PCDHGA6: variants seen among roughly 807,000 people sequenced by gnomAD.
PCDHGA6 encodes protocadherin gamma-A6.
PCDHGA6 carries 41 observed loss-of-function variants against 60.6 expected under a neutral mutation model. The observed-to-expected ratio is 0.68, with a 90% confidence interval of 0.53 to 0.88. The LOEUF (loss-of-function observed/expected upper bound fraction) is 0.88, where lower values mean the gene tolerates loss of function less well. Ranked by LOEUF, PCDHGA6 falls within the 40% of genes least tolerant of loss-of-function variation. PCDHGA6 has a pLI of 0.00. For missense variants in PCDHGA6, 1,312 were observed against 1,203.0 expected (o/e 1.09, Z -1.34); for synonymous variants, 594 against 524.4 (o/e 1.13, Z -1.81).
chr5:141,373,906 A>T lies in PCDHGA6; in HGVS notation c.-178A>T. 1.7e-6 allele frequency: 1 copy of T among 604,222 alleles called. No homozygotes were observed. Among genetic ancestry groups the T allele is most frequent in the South Asian group, 4.3e-5 (1 of 23,298 alleles). The allele number at this position is 604,222 out of a possible 1,614,324, so 37.4% of individuals were successfully genotyped here. On this transcript the variant is annotated 5_prime_UTR_variant, in exon 1 of 4. Transcript: ENST00000517434. ...ACGGAAACTCAAGTTACATCCTCCAACAACAAAGCAAATTAGACGGGAAAG... is the reference window on the plus strand; with the variant it reads ...ACGGAAACTCAAGTTACATCCTCCATCAACAAAGCAAATTAGACGGGAAAG...
chr5:141,489,962 C>A lies in PCDHGA6; in HGVS notation c.2425-4845C>A. The A allele has an allele frequency of 6.2e-7, 1 of 1,614,184 alleles. No individual in the cohort carries two copies. The highest frequency in any genetic ancestry group is 8.5e-7 in the Non-Finnish European group (1 of 1,180,008). ...CTGGACATCAATGATAATGCTCCAA[C>A]CTTCCAATCCTCAGTTCTACGTGTG... is the stretch of plus-strand genomic sequence containing the variant. On this transcript the variant is annotated intron_variant, in intron 1 of 3. Transcript: ENST00000517434. This position sits in a 1 kb window ranked among gnomAD's most constrained non-coding sequence, Gnocchi z 4.5.
At chr5:141,508,732 C>A (rs1037039751) in intron 3 of PCDHGA6, among the ~76,000 whole-genome samples, 3 of 151,880 alleles carry the variant, frequency 2.0e-5, no homozygotes, top group Non-Finnish European at 4.4e-5. Flanking sequence ...GGAGACTACA[C>A]CCCCCACCCC....
In PCDHGA6 at chr5:141,421,099, G is replaced by A. The variant is rs941392242; in HGVS notation, c.2424+44592G>A. ...GATACTCACAGATCCTGACACTGGA[G>A]ACTTAGAAGTATTTTCCTTCGCTTT... is the stretch of plus-strand genomic sequence containing the variant. On this transcript the variant is annotated intron_variant, in intron 1 of 3. Coordinates refer to ENST00000517434, the MANE Select transcript of PCDHGA6 (RefSeq NM_018919.3). 1.2e-5 allele frequency: 8 copies of A among 680,384 alleles called. No individual in the cohort carries two copies. In the Admixed American group the frequency reaches 1.2e-4, roughly 11 times the overall value. 42.1% of individuals were successfully genotyped at this position (680,384 alleles called of 1,614,324 possible).
intron 1 of PCDHGA6, chr5:141,399,577 T>C: frequency 1.2e-6 from 2 of 1,613,972 alleles, no homozygotes; most frequent in Non-Finnish European, 1.7e-6. Context: ...CGGCCAAGTC[T>C]CCTACTCTAT....
chr5:141,400,594 A>G (rs2150867049), intron 1 of PCDHGA6: 1 of 1,603,498 alleles, frequency 6.2e-7, no homozygotes, highest in Non-Finnish European at 8.5e-7. Context: ...AAACTATCGT[A>G]CATTTTCAAG....
intron 1 of PCDHGA6, among the ~76,000 whole-genome samples, chr5:141,482,161 G>A (rs2099554171): frequency 6.6e-6 from 1 of 152,008 alleles, no homozygotes; most frequent in Non-Finnish European, 1.5e-5. Context: ...TCAAAGATAT[G>A]TAAGATTAAG....
At chr5:141,404,560 C>G in intron 1 of PCDHGA6, 1 of 1,613,578 alleles carries the variant, frequency 6.2e-7, no homozygotes, top group South Asian at 1.1e-5. Context: ...CGGCAAGTGA[C>G]AGTGGAAGCC....
chr5:141,409,486 C>T, intron 1 of PCDHGA6: 1 of 1,613,992 alleles, frequency 6.2e-7, no homozygotes, highest in Non-Finnish European at 8.5e-7. Context: ...CTGACAGGGG[C>T]AAGCCGCCTC....
intron 1 of PCDHGA6, among the ~76,000 whole-genome samples, chr5:141,465,422 G>A (rs74711061): frequency 0.01 from 1,576 of 152,260 alleles, 21 homozygotes; most frequent in African/African-American, 0.037. Context: ...AGCACTGAAA[G>A]GTGGGCACTT....
At chr5:141,389,195 C>T (rs764168847) in intron 1 of PCDHGA6, 2 of 1,614,052 alleles carry the variant, frequency 1.2e-6, no homozygotes, top group Non-Finnish European at 1.7e-6. Flanking sequence ...CCAGCATCAC[C>T]CTGCACATTG....
chr5:141,388,373 T>TA (rs1239214460), intron 1 of PCDHGA6: 2 of 1,613,980 alleles, frequency 1.2e-6, no homozygotes, highest in African/African-American at 2.7e-5. Context: ...CGGATATTGG[T>TA]AGCAACACAC....
In PCDHGA6 at chr5:141,405,631, C is replaced by T. The variant is rs150331884; in HGVS notation, c.2424+29124C>T. The T allele has an allele frequency of 4.9e-3, 2,596 of 530,826 alleles. 48 individuals carry two copies. The highest frequency in any genetic ancestry group is 0.045 in the African/African-American group (2,348 of 52,012). The allele number at this position is 530,826 out of a possible 1,614,324, so 32.9% of individuals were successfully genotyped here. ...CTGGGACTACAGGCACGTGCCACCA[C>T]GCCCGGCTAATTTTTTGTGTGTTTT... is the stretch of plus-strand genomic sequence containing the variant. On this transcript the variant is annotated intron_variant, in intron 1 of 3. Transcript: ENST00000517434.
chr5:141,490,132 A>G lies in PCDHGA6; in HGVS notation c.2425-4675A>G, dbSNP rs1245562757. The G allele has an allele frequency of 3.7e-6, 6 of 1,614,102 alleles. No homozygotes were observed. In the African/African-American group the frequency reaches 4.0e-5, roughly 11 times the overall value. ...GCGGAACCTCTTTGGCCTAGACCCTAGCAGTGGGGCAATCCATGTGTTGGG... is the reference window on the plus strand; with the variant it reads ...GCGGAACCTCTTTGGCCTAGACCCTGGCAGTGGGGCAATCCATGTGTTGGG... On this transcript the variant is annotated intron_variant, in intron 1 of 3. Coordinates refer to ENST00000517434, the MANE Select transcript of PCDHGA6 (RefSeq NM_018919.3). The surrounding 1 kb of genome is among the most constrained non-coding windows in gnomAD (Gnocchi z 5.4).
In PCDHGA6 at chr5:141,388,019, C is replaced by T. The variant is rs1218468252; in HGVS notation, c.2424+11512C>T. On this transcript the variant is annotated intron_variant, in intron 1 of 3. Transcript: ENST00000517434. ...TTCCCGAGGAAATGCCCAAGGGCTC[C>T]GTAGTGGGGAACCTCGCCACGGACC... 4.1e-6 allele frequency: 6 copies of T among 1,458,652 alleles called. 1 individual carries two copies. The highest frequency in any genetic ancestry group is 2.4e-4 in the Middle Eastern group (1 of 4,164). 90.4% of individuals were successfully genotyped at this position (1,458,652 alleles called of 1,614,324 possible). A position where few individuals can be genotyped will look rare whatever the true frequency, so the allele number is the denominator to read the frequency against.
At chr5:141,421,144 G>A (rs1241874764) in intron 1 of PCDHGA6, 1 of 999,180 alleles carries the variant, frequency 1.0e-6, no homozygotes, top group African/African-American at 1.6e-5. Flanking sequence ...TTTGGATGTA[G>A]TCGGCCTAGG....
intron 1 of PCDHGA6, chr5:141,418,506 ATGG>A (rs2096264933): frequency 6.2e-7 from 1 of 1,613,860 alleles, no homozygotes; most frequent in African/African-American, 1.3e-5. Context: ...ACCGCCTTAG[ATGG>A]TGGGGACCCT....
chr5:141,401,350 A>G (rs1046893336), intron 1 of PCDHGA6, among the ~76,000 whole-genome samples: 2 of 152,226 alleles, frequency 1.3e-5, no homozygotes, highest in Non-Finnish European at 2.9e-5. Flanking sequence ...CTCAAAAAAA[A>G]GGAAGGAGAA....
intron 1 of PCDHGA6, among the ~76,000 whole-genome samples, chr5:141,462,819 A>G (rs1182498111): frequency 6.6e-6 from 1 of 152,210 alleles, no homozygotes; most frequent in East Asian, 1.9e-4. Context: ...TTTATTGGAC[A>G]GCAGACATTG....
At position 141,375,952 on chromosome 5, in the gene PCDHGA6, G is replaced by C. The variant is rs1032808913; in HGVS notation, c.1869G>C (p.Thr623=). ...GACTTTTCTCAGTGGGCCTGCACAC[G>C]GGCGAGGTGCGCACGGCGCGCGCCC... ...EPGLFSVGLH[T]GEVRTARALL... is the part of the protein sequence containing the mutation. Residue 623 remains threonine, a synonymous_variant, in exon 1 of 4, where the codon ACG becomes ACC. Coordinates refer to ENST00000517434, the MANE Select transcript of PCDHGA6 (RefSeq NM_018919.3). The C allele has an allele frequency of 4.3e-6, 7 of 1,613,514 alleles. No homozygotes were observed. The highest frequency in any genetic ancestry group is 1.1e-5 in the South Asian group (1 of 91,060).
Sources: gnomAD v4.1 joint callset for allele counts (sites outside exome capture counted in the v4.1 genomes callset) on GRCh38, gnomAD v4.1.1 for gene constraint, Gnocchi (gnomAD v3.1) non-coding constraint, MANE v1.5 for transcripts, NCBI Gene and HGNC (gene_info 2026-07-23, HGNC 2026-07-21) for gene names.